Variants in CNNM4 observed in about 807,000 individuals in gnomAD.
The protein encoded by CNNM4 is metal transporter CNNM4.
A neutral mutation model predicts 53.7 loss-of-function variants in CNNM4; 32 were observed. The observed-to-expected ratio is 0.60, with a 90% CI of 0.45 to 0.80. The LOEUF is 0.80. Among genes scored for constraint, CNNM4 ranks in the 30% least tolerant of loss-of-function variants. The pLI, the probability that CNNM4 is intolerant of heterozygous loss-of-function variation, is 0.00. For missense variants in CNNM4, 784 were observed against 1,022.0 expected (o/e 0.77, Z 3.17); for synonymous variants, 410 against 440.0 (o/e 0.93, Z 0.85).
intron 1 of CNNM4, among the ~76,000 whole-genome samples, chr2:96,767,712 A>G (rs1174473800): frequency 1.3e-5 from 2 of 152,102 alleles, no homozygotes; most frequent in African/African-American, 4.8e-5. Context: ...GTGGCCTTGG[A>G]CCTGTTACTC....
At position 96,809,615 on chromosome 2, in the gene CNNM4, A is replaced by G. The variant is rs543105550; in HGVS notation, c.*98A>G. On this transcript the variant is annotated 3_prime_UTR_variant, in exon 7 of 7. Transcript: ENST00000377075. ...GTTAGTCCAGAAAGGATACGGATAG[A>G]TAGCCTGTCTGACTGAACAGCCAGA... is the stretch of plus-strand genomic sequence containing the variant. 1.8e-6 allele frequency: 2 copies of G among 1,102,660 alleles called. No individual in the cohort carries two copies. The highest frequency in any genetic ancestry group is 3.1e-5 in the African/African-American group (2 of 63,794). The allele number at this position is 1,102,660 out of a possible 1,614,324, so 68.3% of individuals were successfully genotyped here. A position where few individuals can be genotyped will look rare whatever the true frequency, so the allele number is the denominator to read the frequency against.
In CNNM4 at chr2:96,809,663, C is replaced by G. The variant is rs1362051407; in HGVS notation, c.*146C>G. On this transcript the variant is annotated 3_prime_UTR_variant, in exon 7 of 7. Transcript: ENST00000377075. ...AGATGGCCCCCAGCCTATGGGGGAT[C>G]TGGCCTCTGCCAGGGACCTCTGAGT... The G allele has an allele frequency of 1.4e-6, 1 of 723,304 alleles. No individual in the cohort carries two copies. Among genetic ancestry groups the G allele is most frequent in the Non-Finnish European group, 2.3e-6 (1 of 433,824 alleles). 44.8% of individuals were successfully genotyped at this position (723,304 alleles called of 1,614,324 possible). A position where few individuals can be genotyped will look rare whatever the true frequency, so the allele number is the denominator to read the frequency against.
intron 1 of CNNM4, among the ~76,000 whole-genome samples, chr2:96,773,682 A>G (rs1237056062): frequency 1.3e-5 from 2 of 152,058 alleles, no homozygotes; most frequent in East Asian, 3.9e-4. Context: ...GTCTCTACTA[A>G]AAGTACAAAA....
At chr2:96,773,843 A>G (rs902092199) in intron 1 of CNNM4, among the ~76,000 whole-genome samples, 1 of 107,868 alleles carries the variant, frequency 9.3e-6, no homozygotes, top group African/African-American at 5.1e-5. Flanking sequence ...ACTCCATCTA[A>G]AAAAAAAAAA....
At chr2:96,783,900 G>T (rs1291493084) in intron 1 of CNNM4, among the ~76,000 whole-genome samples, 1 of 152,118 alleles carries the variant, frequency 6.6e-6, no homozygotes, top group Non-Finnish European at 1.5e-5. Context: ...AATTTAAAAA[G>T]CAGCGTACAA....
chr2:96,807,582 A>C (rs2079221345), intron 5 of CNNM4, among the ~76,000 whole-genome samples: 1 of 152,082 alleles, frequency 6.6e-6, no homozygotes, highest in South Asian at 2.1e-4. Context: ...AAAAAGAAAA[A>C]AAATTATCCA....
chr2:96,764,457 C>T (rs2078794763), intron 1 of CNNM4, among the ~76,000 whole-genome samples: 1 of 152,124 alleles, frequency 6.6e-6, no homozygotes, highest in African/African-American at 2.4e-5. Context: ...CACAGCAGGC[C>T]GCCCTGGAGA....
rs2079146515 is a variant in CNNM4 at position 96,800,210 on chromosome 2, C to T, written c.1948+562C>T. The stretch of plus-strand genomic sequence containing the variant: ...TGTTATGGAAGGTCCGGGGATGCGC[C>T]ACTCTGGCCGCCCCAGTGCCCTCTC... On this transcript the variant is annotated intron_variant, in intron 5 of 6. Coordinates refer to ENST00000377075, the MANE Select transcript of CNNM4 (RefSeq NM_020184.4). The surrounding 1 kb of genome is among the most constrained non-coding windows in gnomAD (Gnocchi z 4.6). 6.6e-6 allele frequency among the ~76,000 whole-genome samples: 1 copy of T among 152,040 alleles called. No individual in the cohort carries two copies. Among genetic ancestry groups the T allele is most frequent in the Non-Finnish European group, 1.5e-5 (1 of 67,994 alleles).
intron 1 of CNNM4, among the ~76,000 whole-genome samples, chr2:96,770,665 C>T (rs1016441645): frequency 4.6e-5 from 7 of 152,186 alleles, no homozygotes; most frequent in African/African-American, 1.7e-4. Context: ...CTCTGCACCC[C>T]TCCCACATGA....
chr2:96,785,363 G>T (rs2079008071), intron 1 of CNNM4, among the ~76,000 whole-genome samples: 1 of 152,156 alleles, frequency 6.6e-6, no homozygotes, highest in Non-Finnish European at 1.5e-5. Context: ...AAGTCCAGGT[G>T]CAGTGGCTCA....
chr2:96,811,153 C>T lies in CNNM4; in HGVS notation c.*1636C>T, dbSNP rs935117881. 2 of 152,384 alleles carry T rather than the reference C, an allele frequency of 1.3e-5. No individual in the cohort carries two copies. Among genetic ancestry groups the T allele is most frequent in the South Asian group, 2.1e-4 (1 of 4,828 alleles). The allele number at this position is 152,384 out of a possible 1,614,324, so 9.4% of individuals were successfully genotyped here. The stretch of plus-strand genomic sequence containing the variant: ...TGCACCAAGTATGCCTACCCCTGGC[C>T]AGTCTGAGGTCTCCTAGCCATAGAA... On this transcript the variant is annotated 3_prime_UTR_variant, in exon 7 of 7. Transcript: ENST00000377075.
intron 1 of CNNM4, among the ~76,000 whole-genome samples, chr2:96,792,960 T>TAGAG (rs1338573371): frequency 6.6e-6 from 1 of 152,124 alleles, no homozygotes; most frequent in Non-Finnish European, 1.5e-5. Context: ...AGCACTTGGA[T>TAGAG]AGAGGAATCT....
At chr2:96,806,519 ACACACACACACACACACG>A (rs2079207746) in intron 5 of CNNM4, among the ~76,000 whole-genome samples, 1 of 139,474 alleles carries the variant, frequency 7.2e-6, no homozygotes, top group South Asian at 2.2e-4. Flanking sequence ...ACACACACAC[ACACACACACACACACACG>A]CGCGCGCGCG....
In CNNM4 at chr2:96,811,313, C is replaced by G. The variant is rs567669594; in HGVS notation, c.*1796C>G. 3 of 152,338 alleles carry G rather than the reference C, an allele frequency of 2.0e-5. No individual in the cohort carries two copies. The highest frequency in any genetic ancestry group is 3.9e-4 in the East Asian group (2 of 5,190). 9.4% of individuals were successfully genotyped at this position (152,338 alleles called of 1,614,324 possible). On this transcript the variant is annotated 3_prime_UTR_variant, in exon 7 of 7. Transcript: ENST00000377075. ...TACAGGAGCAGCTTGCTCCCAAGTC[C>G]TTTTGGAAGCTGGCAGAGCTATATT...
chr2:96,792,705 G>A (rs1187602532), intron 1 of CNNM4, among the ~76,000 whole-genome samples: 1 of 152,090 alleles, frequency 6.6e-6, no homozygotes, highest in Non-Finnish European at 1.5e-5. Context: ...TTGGCAGGCT[G>A]AGGCAGGAGA....
chr2:96,768,318 A>G (rs1246214638), intron 1 of CNNM4, among the ~76,000 whole-genome samples: 1 of 152,166 alleles, frequency 6.6e-6, no homozygotes, highest in Non-Finnish European at 1.5e-5. Context: ...GACCGTTTTG[A>G]AGCCTCTGTG....
At position 96,801,880 on chromosome 2, in the gene CNNM4, G is replaced by A. The variant is rs191314548; in HGVS notation, c.1948+2232G>A. Among the ~76,000 whole-genome samples, 560 of 150,078 alleles carry A rather than the reference G, an allele frequency of 3.7e-3. 5 individuals carry two copies. The highest frequency in any genetic ancestry group is 4.6e-3 in the Non-Finnish European group (310 of 67,518). ...CAGAGGCATACACAGAGAAACACCC[G>A]TAGACACACCAGGATACACATACAC... On this transcript the variant is annotated intron_variant, in intron 5 of 6. Coordinates refer to ENST00000377075, the MANE Select transcript of CNNM4 (RefSeq NM_020184.4). This position sits in a 1 kb window ranked among gnomAD's most constrained non-coding sequence, Gnocchi z 5.6.
intron 1 of CNNM4, among the ~76,000 whole-genome samples, chr2:96,787,698 A>T (rs908837424): frequency 3.3e-5 from 5 of 151,796 alleles, no homozygotes; most frequent in African/African-American, 7.3e-5. Context: ...TCTCTACAAA[A>T]TTTTTTTTAA....
At chr2:96,791,345 G>A (rs1196938804) in intron 1 of CNNM4, among the ~76,000 whole-genome samples, 1 of 151,214 alleles carries the variant, frequency 6.6e-6, no homozygotes, top group East Asian at 2.0e-4. Flanking sequence ...TTTGGGGGTG[G>A]CATCGGCTGG....
Sources: allele counts gnomAD v4.1 joint callset (sites outside exome capture counted in the v4.1 genomes callset), GRCh38; gene constraint gnomAD v4.1.1; non-coding constraint Gnocchi (gnomAD v3.1); transcripts MANE v1.5; gene names NCBI Gene and HGNC (gene_info 2026-07-23, HGNC 2026-07-21).